GRIA3: variants seen among roughly 807,000 people sequenced by gnomAD.
GRIA3 encodes glutamate ionotropic receptor AMPA type subunit 3, also known as glutamate receptor 3.
In GRIA3, 3 loss-of-function variants were observed where a neutral mutation model predicts 63.0. That is an observed-to-expected ratio of 0.05 (90% CI 0.02 to 0.12). GRIA3 has a LOEUF of 0.12. Among genes scored for constraint, GRIA3 ranks in the 10% least tolerant of loss-of-function variants. GRIA3 has a pLI of 1.00. For missense variants in GRIA3, 347 were observed against 700.9 expected, an observed-to-expected ratio of 0.50 and a Z score of 5.70; for synonymous variants, 274 against 257.9, an observed-to-expected ratio of 1.06 and a Z score of -0.60.
chrX:123,406,610 C>A (rs942505170), intron 10 of GRIA3, among the ~76,000 whole-genome samples: 3 of 111,642 alleles, frequency 2.7e-5, no homozygotes, highest in Non-Finnish European at 3.8e-5. Context: ...AACTGGAGCA[C>A]CATCCTCTAG....
chrX:123,422,317 T>G (rs1318303061), intron 11 of GRIA3, among the ~76,000 whole-genome samples: 1 of 112,480 alleles, frequency 8.9e-6, no homozygotes, highest in Non-Finnish European at 1.9e-5. Context: ...AAAGAGTCTA[T>G]GTCAATATTA....
chrX:123,220,871 G>T (rs1462710897), intron 2 of GRIA3, among the ~76,000 whole-genome samples: 1 of 111,855 alleles, frequency 8.9e-6, no homozygotes, highest in Non-Finnish European at 1.9e-5. Context: ...CTGTCTCAGA[G>T]ATGCTCAATG....
At chrX:123,379,649 A>AT (rs2045309634) in intron 5 of GRIA3, among the ~76,000 whole-genome samples, 1 of 32,521 alleles carries the variant, frequency 3.1e-5, no homozygotes, top group Non-Finnish European at 6.4e-5. Context: ...TGTAAAATTT[A>AT]TTTTTTTATT....
At chrX:123,358,143 G>A in intron 5 of GRIA3, among the ~76,000 whole-genome samples, 1 of 111,437 alleles carries the variant, frequency 9.0e-6, no homozygotes, top group East Asian at 2.8e-4. Flanking sequence ...GTCAAGAAAA[G>A]GGGAAGTGGA....
chrX:123,218,253 CTG>C (rs1446800508), intron 2 of GRIA3, among the ~76,000 whole-genome samples: 1 of 111,146 alleles, frequency 9.0e-6, no homozygotes, highest in Non-Finnish European at 1.9e-5. Context: ...TCTGAGATGA[CTG>C]AGGATAAGAC....
chrX:123,382,067 G>T (rs774012761), intron 5 of GRIA3, among the ~76,000 whole-genome samples: 2 of 112,462 alleles, frequency 1.8e-5, no homozygotes, highest in South Asian at 7.4e-4. Flanking sequence ...TCTGAAGAAA[G>T]ATAACAAGCA....
chrX:123,393,906 C>T (rs1269904594), intron 5 of GRIA3, among the ~76,000 whole-genome samples: 1 of 112,039 alleles, frequency 8.9e-6, no homozygotes, highest in Non-Finnish European at 1.9e-5. Flanking sequence ...AAAGTAGCAG[C>T]AATTCCTAGG....
chrX:123,255,002 C>CA (rs938137730), intron 3 of GRIA3, among the ~76,000 whole-genome samples: 6 of 111,993 alleles, frequency 5.4e-5, no homozygotes, highest in African/African-American at 1.9e-4. Context: ...TATCAACCCC[C>CA]AATGGTGGTC....
intron 10 of GRIA3, among the ~76,000 whole-genome samples, chrX:123,409,665 G>A (rs1453562567): frequency 8.9e-6 from 1 of 111,812 alleles, no homozygotes; most frequent in Non-Finnish European, 1.9e-5. Flanking sequence ...CATATGTTTT[G>A]AGGGCACTTA....
At chrX:123,253,920 G>A (rs1197215800) in intron 3 of GRIA3, among the ~76,000 whole-genome samples, 1 of 111,709 alleles carries the variant, frequency 9.0e-6, no homozygotes, top group Non-Finnish European at 1.9e-5. Flanking sequence ...GTCAGAAACT[G>A]TAATTATCCC....
chrX:123,469,847 C>G (rs2045853036), intron 13 of GRIA3, among the ~76,000 whole-genome samples: 1 of 111,895 alleles, frequency 8.9e-6, no homozygotes, highest in African/African-American at 3.3e-5. Flanking sequence ...CCTGTCCCCT[C>G]AAAAGTTTAT....
chrX:123,186,076 T>C lies in GRIA3; in HGVS notation c.268+86T>C, dbSNP rs148632624. On this transcript the variant is annotated intron_variant, in intron 2 of 15. Coordinates refer to ENST00000620443, the MANE Select transcript of GRIA3 (RefSeq NM_007325.5). ...TGGCACTTAGGGTCTGTGTATGTGC[T>C]GGGAGATGATTGCTTCAGTAGATAT... 5.5e-4 allele frequency: 414 copies of C among 746,722 alleles called. 2 individuals are homozygous for C. In the East Asian group the frequency reaches 0.013, roughly 23 times the overall value. 61.5% of individuals were successfully genotyped at this position (746,722 alleles called of 1,213,427 possible). A position where few individuals can be genotyped will look rare whatever the true frequency, so the allele number is the denominator to read the frequency against.
intron 3 of GRIA3, among the ~76,000 whole-genome samples, chrX:123,277,000 G>C (rs781759497): frequency 7.2e-5 from 8 of 111,705 alleles, no homozygotes; most frequent in Non-Finnish European, 1.5e-4. Flanking sequence ...AGTGCAAATA[G>C]AGAACATTTC....
chrX:123,234,827 G>A (rs2044293926), intron 2 of GRIA3, among the ~76,000 whole-genome samples: 1 of 111,931 alleles, frequency 8.9e-6, no homozygotes, highest in African/African-American at 3.2e-5. Context: ...GCAAGAGGGT[G>A]CAAATGACAA....
At chrX:123,308,394 A>G (rs1337459609) in intron 3 of GRIA3, among the ~76,000 whole-genome samples, 1 of 111,678 alleles carries the variant, frequency 9.0e-6, no homozygotes, top group Non-Finnish European at 1.9e-5. Flanking sequence ...TAGCAAGTAG[A>G]GCATCTTTAG....
intron 10 of GRIA3, among the ~76,000 whole-genome samples, chrX:123,412,819 C>A (rs911703383): frequency 1.5e-4 from 17 of 111,007 alleles, no homozygotes; most frequent in Admixed American, 1.4e-3. Context: ...CAGTGAGGTA[C>A]AACTGAGCAC....
intron 3 of GRIA3, among the ~76,000 whole-genome samples, chrX:123,309,455 T>A: frequency 8.9e-6 from 1 of 112,146 alleles, no homozygotes; most frequent in East Asian, 2.8e-4. Context: ...CTTTCCTCTT[T>A]AGCATTGCTG....
At chrX:123,289,417 A>AT (rs1298113106) in intron 3 of GRIA3, among the ~76,000 whole-genome samples, 77 of 96,367 alleles carry the variant, frequency 8.0e-4, no homozygotes, top group Middle Eastern at 4.8e-3. Context: ...TTAAAGTATA[A>AT]TTTAAAAAAA....
rs1472596699 is a variant in GRIA3 at position 123,489,574 on chromosome X, A to G, written c.*864A>G. 1 of 112,213 alleles carries G rather than the reference A, an allele frequency of 8.9e-6. No homozygotes were observed. Among genetic ancestry groups the G allele is most frequent in the Non-Finnish European group, 1.9e-5 (1 of 53,188 alleles). The allele number at this position is 112,213 out of a possible 1,213,427, so 9.2% of individuals were successfully genotyped here. A position where few individuals can be genotyped will look rare whatever the true frequency, so the allele number is the denominator to read the frequency against. On this transcript the variant is annotated 3_prime_UTR_variant, in exon 16 of 16. Transcript: ENST00000620443. ...CAAGGAGCCTGGAATTTCAGCTCAC[A>G]GATCTGTTTTTCTTGCTTCAGTGTG...
Sources: gnomAD v4.1 joint callset for allele counts (sites outside exome capture counted in the v4.1 genomes callset) on GRCh38, gnomAD v4.1.1 for gene constraint, MANE v1.5 for transcripts, NCBI Gene and HGNC (gene_info 2026-07-23, HGNC 2026-07-21) for gene names.